PACSIN1: variants seen among roughly 807,000 people sequenced by gnomAD.
PACSIN1 encodes protein kinase C and casein kinase substrate in neurons 1.
A neutral mutation model predicts 59.5 loss-of-function variants in PACSIN1; 15 were observed. The ratio of observed to expected loss-of-function variants is 0.25; its 90% CI spans 0.17 to 0.39. PACSIN1 has a LOEUF of 0.39. Ranked by LOEUF, PACSIN1 falls within the 10% of genes least tolerant of loss-of-function variation. The pLI is 1.00. For synonymous variants in PACSIN1, 210 were observed against 220.6 expected, an observed-to-expected ratio of 0.95 and a Z score of 0.42; for missense variants, 420 against 580.2, an observed-to-expected ratio of 0.72 and a Z score of 2.84.
In PACSIN1 at chr6:34,488,531, G is replaced by C. The variant is rs1479173134; in HGVS notation, c.-64+22261G>C. Among the ~76,000 whole-genome samples the C allele has an allele frequency of 7.2e-5, 11 of 152,116 alleles. No individual in the cohort carries two copies. The East Asian group carries it at 2.1e-3, about 29-fold the overall frequency. Reference sequence around the variant, plus strand: ...TTTGGGAACCAGGATTTCTAAACTTGCAGTGCCCAGAGTTGTCCCTGGGTG... The same window carrying C: ...TTTGGGAACCAGGATTTCTAAACTTCCAGTGCCCAGAGTTGTCCCTGGGTG... On this transcript the variant is annotated intron_variant, in intron 1 of 9. Transcript: ENST00000244458. This position sits in a 1 kb window ranked among gnomAD's most constrained non-coding sequence, Gnocchi z 4.7.
intron 1 of PACSIN1, among the ~76,000 whole-genome samples, chr6:34,508,464 G>A (rs1195015754): frequency 2.0e-5 from 3 of 151,914 alleles, no homozygotes; most frequent in Non-Finnish European, 2.9e-5. Context: ...ACGAGGTCTC[G>A]CTATGTTATC....
intron 1 of PACSIN1, among the ~76,000 whole-genome samples, chr6:34,520,914 AC>A (rs1307964753): frequency 9.9e-5 from 15 of 152,180 alleles, no homozygotes; most frequent in Non-Finnish European, 1.9e-4. Flanking sequence ...ATCATCGTCA[AC>A]ATTGGCTGGG....
intron 1 of PACSIN1, among the ~76,000 whole-genome samples, chr6:34,495,453 CT>C (rs869095931): frequency 0.022 from 3,093 of 142,222 alleles, 48 homozygotes; most frequent in African/African-American, 0.054. Flanking sequence ...CAGGAATATC[CT>C]TTTTTTTTTT....
chr6:34,487,275 G>C (rs866113098), intron 1 of PACSIN1, among the ~76,000 whole-genome samples: 1 of 152,124 alleles, frequency 6.6e-6, no homozygotes. Context: ...ATCCTGGAAG[G>C]TTCCCTCCTG....
chr6:34,526,675 C>T (rs183496233), intron 2 of PACSIN1, among the ~76,000 whole-genome samples: 1 of 152,358 alleles, frequency 6.6e-6, no homozygotes, highest in East Asian at 1.9e-4. Context: ...CCTTTCTCAG[C>T]TGTTCCTATT....
At position 34,532,661 on chromosome 6, in the gene PACSIN1, A is replaced by G. The variant is rs969896515; in HGVS notation, c.*131A>G. 9.5e-6 allele frequency: 6 copies of G among 631,368 alleles called. No individual in the cohort carries two copies. The African/African-American group carries it at 1.1e-4, about 12-fold the overall frequency. 39.1% of individuals were successfully genotyped at this position (631,368 alleles called of 1,614,324 possible). On this transcript the variant is annotated 3_prime_UTR_variant, in exon 10 of 10. Transcript: ENST00000244458. The surrounding 1 kb of genome is among the most constrained non-coding windows in gnomAD (Gnocchi z 5.2). Reference sequence around the variant, plus strand: ...CAAGCTTTTATTTTTTTAAAAGTCAAAACAGAACAAAACAAAGTATGCAGA... The same window carrying G: ...CAAGCTTTTATTTTTTTAAAAGTCAGAACAGAACAAAACAAAGTATGCAGA...
chr6:34,500,720 T>C (rs1025200590), intron 1 of PACSIN1, among the ~76,000 whole-genome samples: 1 of 152,230 alleles, frequency 6.6e-6, no homozygotes, highest in African/African-American at 2.4e-5. Flanking sequence ...TCTCTAGCTA[T>C]GAAAGTCCAA....
chr6:34,511,496 C>A (rs1767202294), intron 1 of PACSIN1, among the ~76,000 whole-genome samples: 1 of 152,150 alleles, frequency 6.6e-6, no homozygotes, highest in Non-Finnish European at 1.5e-5. Flanking sequence ...TATAAAGCAC[C>A]ATGCACAGTG....
At chr6:34,527,275 G>T (rs1767505826) in intron 2 of PACSIN1, 57 bp from the exon 3 acceptor site, 2 of 1,435,238 alleles carry the variant, frequency 1.4e-6, no homozygotes, top group Non-Finnish European at 1.8e-6. Context: ...GGATGCGGCG[G>T]GCGGGGCTGG....
intron 1 of PACSIN1, among the ~76,000 whole-genome samples, chr6:34,467,720 G>A (rs746859835): frequency 2.0e-5 from 3 of 151,922 alleles, no homozygotes; most frequent in Admixed American, 6.6e-5. Flanking sequence ...CACCACACCC[G>A]GCTAATTTTA....
At chr6:34,498,106 G>A (rs1766973886) in intron 1 of PACSIN1, among the ~76,000 whole-genome samples, 1 of 152,168 alleles carries the variant, frequency 6.6e-6, no homozygotes, top group Admixed American at 6.5e-5. Flanking sequence ...TCTGTCACCA[G>A]GCTGGAGTGC....
chr6:34,472,740 G>A (rs1766590021), intron 1 of PACSIN1, among the ~76,000 whole-genome samples: 1 of 152,128 alleles, frequency 6.6e-6, no homozygotes, highest in African/African-American at 2.4e-5. Flanking sequence ...AACCTGGCGG[G>A]ATGGGAAAGG....
intron 1 of PACSIN1, among the ~76,000 whole-genome samples, chr6:34,469,347 A>G (rs1373431753): frequency 1.3e-5 from 2 of 152,178 alleles, no homozygotes; most frequent in Non-Finnish European, 2.9e-5. Context: ...AGACCCACCC[A>G]CCATGGGCAC....
At chr6:34,492,446 C>G (rs1244211725) in intron 1 of PACSIN1, among the ~76,000 whole-genome samples, 1 of 151,756 alleles carries the variant, frequency 6.6e-6, no homozygotes, top group Non-Finnish European at 1.5e-5. Context: ...TGCAATGGCA[C>G]GATCTCAGCT....
Position 34,529,460 on chromosome 6 carries a change from G to C in PACSIN1, c.520G>C (p.Glu174Gln). The C allele has an allele frequency of 6.2e-7, 1 of 1,614,180 alleles. No individual in the cohort carries two copies. Among genetic ancestry groups the C allele is most frequent in the East Asian group, 2.2e-5 (1 of 44,866 alleles). Residue 174 changes from glutamate (E) to glutamine (Q), a missense_variant, in exon 5 of 10, where the codon GAG becomes CAG. Coordinates refer to ENST00000244458, the MANE Select transcript of PACSIN1 (RefSeq NM_020804.5). The surrounding 1 kb of genome is among the most constrained non-coding windows in gnomAD (Gnocchi z 6.3). ...AGAGGAAAAGCTGGCCATGACACGG[G>C]AGATGAACAGCAAGACGGAGCAATC... ...CKEEKLAMTR[E>Q]MNSKTEQSVT... is the part of the protein sequence containing the mutation.
rs532405575 is a variant in PACSIN1, at chr6:34,524,129, G to A, written c.-63-2114G>A. On this transcript the variant is annotated intron_variant, in intron 1 of 9. Transcript: ENST00000244458. ...GAGACACGTTACCTGCCAATACCAA[G>A]GGTGGACCCCAGCAAGTTCCAAGAA... Among the ~76,000 whole-genome samples the A allele has an allele frequency of 2.0e-5, 3 of 152,280 alleles. No homozygotes were observed. In the South Asian group the frequency reaches 6.2e-4, roughly 32 times the overall value.
intron 1 of PACSIN1, among the ~76,000 whole-genome samples, chr6:34,509,252 C>T (rs553359108): frequency 6.6e-6 from 1 of 152,260 alleles, no homozygotes; most frequent in South Asian, 2.1e-4. Context: ...TTCCCATCAC[C>T]ATTTGTTGAA....
chr6:34,475,901 G>A (rs1311831227), intron 1 of PACSIN1, among the ~76,000 whole-genome samples: 3 of 152,224 alleles, frequency 2.0e-5, no homozygotes, highest in Non-Finnish European at 4.4e-5. Flanking sequence ...TGCACAGCCA[G>A]GAAGGGGTTA....
chr6:34,517,118 C>G (rs1767305728), intron 1 of PACSIN1, among the ~76,000 whole-genome samples: 1 of 152,234 alleles, frequency 6.6e-6, no homozygotes, highest in Non-Finnish European at 1.5e-5. Context: ...CAGCAAACAG[C>G]AGCTCTGTCT....
Sources: gnomAD v4.1 joint callset for allele counts (sites outside exome capture counted in the v4.1 genomes callset) on GRCh38, gnomAD v4.1.1 for gene constraint, Gnocchi (gnomAD v3.1) non-coding constraint, MANE v1.5 for transcripts, NCBI Gene and HGNC (gene_info 2026-07-23, HGNC 2026-07-21) for gene names.